LPAR1: variants seen among roughly 807,000 people sequenced by gnomAD.
LPAR1 encodes LPA receptor 1.
Under a neutral mutation model 23.8 loss-of-function variants are expected in LPAR1, and 5 were observed. The ratio of observed to expected loss-of-function variants is 0.21; its 90% CI spans 0.11 to 0.44. The LOEUF is 0.44. Among genes scored for constraint, LPAR1 ranks in the 20% least tolerant of loss-of-function variants. The probability of loss-of-function intolerance (pLI) is 0.99; values close to 1 mark genes in which losing one functional copy is unlikely to be tolerated. For synonymous variants in LPAR1, 160 were observed against 164.7 expected (o/e 0.97, Z 0.22); for missense variants, 311 against 482.8 (o/e 0.64, Z 3.33).
rs2097931007 is a variant in LPAR1 at position 111,038,118 on chromosome 9, C to T, written c.-262+49G>A. The T allele has an allele frequency of 1.3e-5, 2 of 151,348 alleles. No homozygotes were observed. Among genetic ancestry groups the T allele is most frequent in the East Asian group, 2.0e-4 (1 of 5,084 alleles). 9.4% of individuals were successfully genotyped at this position (151,348 alleles called of 1,614,324 possible). ...GCCGAGCAGTCGCCGCGGCCTCTGG[C>T]TTCGCGCCCAGGGGGCGCCGTCCCC... On this transcript the variant is annotated intron_variant, in intron 1 of 5. Transcript: ENST00000683809. This position sits in a 1 kb window ranked among gnomAD's most constrained non-coding sequence, Gnocchi z 4.4.
chr9:111,025,729 T>C (rs1484537201), intron 2 of LPAR1, among the ~76,000 whole-genome samples: 8 of 152,208 alleles, frequency 5.3e-5, no homozygotes, highest in African/African-American at 1.4e-4. Context: ...TTGTATAAGG[T>C]GTAAGGAAGG....
chr9:111,022,485 T>A (rs1050067344), intron 2 of LPAR1, among the ~76,000 whole-genome samples: 4 of 151,976 alleles, frequency 2.6e-5, no homozygotes, highest in Non-Finnish European at 5.9e-5. Context: ...AACACTAAAA[T>A]CCTACCAAGG....
At chr9:110,990,922 T>A (rs774294849) in intron 2 of LPAR1, among the ~76,000 whole-genome samples, 19 of 152,172 alleles carry the variant, frequency 1.2e-4, no homozygotes, top group Non-Finnish European at 2.8e-4. Flanking sequence ...ATTAAAAGTA[T>A]AATAAATGAT....
chr9:111,003,123 A>G (rs902254143), intron 2 of LPAR1, among the ~76,000 whole-genome samples: 1 of 152,230 alleles, frequency 6.6e-6, no homozygotes, highest in Non-Finnish European at 1.5e-5. Context: ...ACTGTAAATT[A>G]AACAGTTTTA....
chr9:110,969,045 TA>T (rs897536618), intron 4 of LPAR1, among the ~76,000 whole-genome samples: 1 of 152,146 alleles, frequency 6.6e-6, no homozygotes, highest in Admixed American at 6.5e-5. Context: ...TTCTTGGCCA[TA>T]TTTTTTTCTC....
intron 5 of LPAR1, among the ~76,000 whole-genome samples, chr9:110,879,832 C>T (rs902766973): frequency 6.6e-6 from 1 of 152,134 alleles, no homozygotes; most frequent in Admixed American, 6.6e-5. Flanking sequence ...ATTTAGGAGA[C>T]GGACTCCATG....
At chr9:110,981,984 G>T (rs950069529) in intron 2 of LPAR1, among the ~76,000 whole-genome samples, 1 of 152,158 alleles carries the variant, frequency 6.6e-6, no homozygotes, top group Non-Finnish European at 1.5e-5. Context: ...ACAGATGCTG[G>T]AGAGGATGTG....
chr9:110,997,428 G>C (rs2140006106), intron 2 of LPAR1, among the ~76,000 whole-genome samples: 1 of 152,276 alleles, frequency 6.6e-6, no homozygotes, highest in Middle Eastern at 3.4e-3. Flanking sequence ...TTGAGAGAGA[G>C]AGATGTTATT....
At chr9:110,989,422 G>T (rs1056211435) in intron 2 of LPAR1, among the ~76,000 whole-genome samples, 2 of 152,126 alleles carry the variant, frequency 1.3e-5, no homozygotes, top group African/African-American at 4.8e-5. Context: ...CAATAAAGTT[G>T]TTCTAAAAAG....
At chr9:110,889,371 AT>A (rs900089858) in intron 5 of LPAR1, among the ~76,000 whole-genome samples, 1 of 152,194 alleles carries the variant, frequency 6.6e-6, no homozygotes, top group African/African-American at 2.4e-5. Flanking sequence ...AAATAAAAAA[AT>A]AAATAAAGAA....
At chr9:111,013,447 T>C (rs889007335) in intron 2 of LPAR1, among the ~76,000 whole-genome samples, 1 of 152,184 alleles carries the variant, frequency 6.6e-6, no homozygotes, top group Admixed American at 6.5e-5. Context: ...TAATTGCCCA[T>C]TATAAGCCTC....
intron 2 of LPAR1, among the ~76,000 whole-genome samples, chr9:111,011,771 G>C (rs532093848): frequency 2.0e-5 from 3 of 152,152 alleles, no homozygotes; most frequent in African/African-American, 7.2e-5. Context: ...TTAATGTTTG[G>C]ATATGAGGTG....
At chr9:110,972,049 C>T (rs1207822962) in intron 4 of LPAR1, 24 bp downstream of exon 4, 1 of 1,607,224 alleles carries the variant, frequency 6.2e-7, no homozygotes, top group Non-Finnish European at 8.5e-7. Flanking sequence ...TTACCTCAGA[C>T]CTCTGCTAGT....
chr9:110,982,418 T>C (rs191480921), intron 2 of LPAR1, among the ~76,000 whole-genome samples: 79 of 151,168 alleles, frequency 5.2e-4, no homozygotes, highest in African/African-American at 1.8e-3. Context: ...TAAGTGGGAG[T>C]TGAACAATAA....
chr9:111,011,872 C>T (rs890002279), intron 2 of LPAR1, among the ~76,000 whole-genome samples: 5 of 152,210 alleles, frequency 3.3e-5, no homozygotes, highest in Middle Eastern at 3.4e-3. Context: ...ATGCTGCTAC[C>T]GTGAGATGGA....
At chr9:110,977,817 AGGGCG>A (rs1490803461) in intron 2 of LPAR1, among the ~76,000 whole-genome samples, 7,547 of 38,646 alleles carry the variant, frequency 0.2, 596 homozygotes, top group South Asian at 0.3. Context: ...GGAGGGAGGG[AGGGCG>A]GGAGGGAGGG....
chr9:110,913,233 T>C (rs949310686), intron 5 of LPAR1, among the ~76,000 whole-genome samples: 4 of 152,334 alleles, frequency 2.6e-5, no homozygotes, highest in African/African-American at 9.6e-5. Flanking sequence ...CTTGTTTACA[T>C]AACTGAGGCG....
chr9:110,966,983 G>C (rs561300958), intron 4 of LPAR1, among the ~76,000 whole-genome samples: 8 of 152,292 alleles, frequency 5.3e-5, no homozygotes, highest in African/African-American at 1.9e-4. Context: ...CTGCAAGTTT[G>C]TTTGGTTTCC....
chr9:110,982,619 G>A (rs2139078383), intron 2 of LPAR1, among the ~76,000 whole-genome samples: 1 of 151,432 alleles, frequency 6.6e-6, no homozygotes, highest in South Asian at 2.1e-4. Flanking sequence ...AGAACTTAAA[G>A]TATAATAATA....
Sources: gnomAD v4.1 joint callset for allele counts (sites outside exome capture counted in the v4.1 genomes callset) on GRCh38, gnomAD v4.1.1 for gene constraint, Gnocchi (gnomAD v3.1) non-coding constraint, MANE v1.5 for transcripts, NCBI Gene and HGNC (gene_info 2026-07-23, HGNC 2026-07-21) for gene names.